B3GALT1: variants seen among roughly 807,000 people sequenced by gnomAD.
B3GALT1 encodes the protein beta-1,3-galactosyltransferase 1.
In B3GALT1, 10 loss-of-function variants were observed where a neutral mutation model predicts 23.2. The observed-to-expected ratio is 0.43, with a 90% CI of 0.27 to 0.73. The LOEUF is 0.73. Among genes scored for constraint, B3GALT1 ranks in the 30% least tolerant of loss-of-function variants. The pLI is 0.21. For missense variants in B3GALT1, 299 were observed against 405.4 expected (o/e 0.74, Z 2.25); for synonymous variants, 156 against 141.5 (o/e 1.10, Z -0.73).
At chr2:167,460,696 A>G (rs1343685516) in intron 1 of B3GALT1, among the ~76,000 whole-genome samples, 1 of 151,848 alleles carries the variant, frequency 6.6e-6, no homozygotes, top group Admixed American at 6.6e-5. Context: ...AAAACTGAAC[A>G]TTTGAATCTA....
chr2:167,563,975 G>C (rs1459733670), intron 2 of B3GALT1, among the ~76,000 whole-genome samples: 1 of 138,590 alleles, frequency 7.2e-6, no homozygotes, highest in Non-Finnish European at 1.6e-5. Flanking sequence ...CTCCCTTCCG[G>C]ACGGGGCAGC....
At chr2:167,650,450 T>G (rs968458778) in intron 3 of B3GALT1, among the ~76,000 whole-genome samples, 6 of 151,740 alleles carry the variant, frequency 4.0e-5, no homozygotes, top group Non-Finnish European at 8.8e-5. Flanking sequence ...TGAGAATTTT[T>G]ACATGTTTAT....
chr2:167,698,808 T>C (rs186108140), intron 3 of B3GALT1, among the ~76,000 whole-genome samples: 1 of 152,318 alleles, frequency 6.6e-6, no homozygotes, highest in African/African-American at 2.4e-5. Context: ...CTCTGGAGGT[T>C]TGACATTTGC....
chr2:167,616,118 T>C (rs944982394), intron 2 of B3GALT1, among the ~76,000 whole-genome samples: 2 of 152,020 alleles, frequency 1.3e-5, no homozygotes, highest in African/African-American at 4.8e-5. Context: ...TATAAATCCT[T>C]AGAAAATGTT....
chr2:167,785,806 G>C (rs1397829111), intron 3 of B3GALT1, among the ~76,000 whole-genome samples: 2 of 152,202 alleles, frequency 1.3e-5, no homozygotes, highest in Non-Finnish European at 1.5e-5. Flanking sequence ...CCTCTGGGAA[G>C]CGGCATGCAT....
At chr2:167,862,427 C>T (rs184608648) in intron 4 of B3GALT1, among the ~76,000 whole-genome samples, 5 of 152,296 alleles carry the variant, frequency 3.3e-5, no homozygotes, top group Admixed American at 6.5e-5. Context: ...TCTAAGTTTT[C>T]GTCCTATTTA....
At chr2:167,633,454 A>G (rs751076300) in intron 2 of B3GALT1, among the ~76,000 whole-genome samples, 4 of 151,970 alleles carry the variant, frequency 2.6e-5, no homozygotes, top group Non-Finnish European at 5.9e-5. Flanking sequence ...GGCTAAAAAT[A>G]AAGAAATGGA....
chr2:167,857,960 A>G (rs890523238), intron 4 of B3GALT1, among the ~76,000 whole-genome samples: 4 of 152,176 alleles, frequency 2.6e-5, no homozygotes, highest in African/African-American at 9.7e-5. Flanking sequence ...AAGAAAAAAA[A>G]TCACAAAATC....
intron 2 of B3GALT1, among the ~76,000 whole-genome samples, chr2:167,619,424 G>A (rs936628557): frequency 1.3e-5 from 2 of 151,990 alleles, no homozygotes; most frequent in Admixed American, 1.3e-4. Flanking sequence ...AAACTGCATG[G>A]GGACAGGGAC....
intron 2 of B3GALT1, among the ~76,000 whole-genome samples, chr2:167,590,639 A>G (rs1684663992): frequency 6.6e-6 from 1 of 152,246 alleles, no homozygotes; most frequent in Non-Finnish European, 1.5e-5. Flanking sequence ...GTCCTAGGCT[A>G]TTTAAGATGA....
chr2:167,573,168 T>G (rs1401776606), intron 2 of B3GALT1, among the ~76,000 whole-genome samples: 3 of 151,682 alleles, frequency 2.0e-5, no homozygotes, highest in East Asian at 1.9e-4. Context: ...TGTAAAGAGA[T>G]AGATTTCTTC....
intron 1 of B3GALT1, among the ~76,000 whole-genome samples, chr2:167,421,136 G>C (rs1343857968): frequency 6.6e-6 from 1 of 152,128 alleles, no homozygotes; most frequent in African/African-American, 2.4e-5. Flanking sequence ...GTATTTCACT[G>C]TCTGTTGTGG....
intron 3 of B3GALT1, among the ~76,000 whole-genome samples, chr2:167,649,864 G>C (rs1685827993): frequency 6.6e-6 from 1 of 151,896 alleles, no homozygotes. Context: ...CATTTCATCA[G>C]CAAATATTCT....
chr2:167,434,420 C>A (rs1698747141), intron 1 of B3GALT1, among the ~76,000 whole-genome samples: 1 of 151,704 alleles, frequency 6.6e-6, no homozygotes. Flanking sequence ...TCATCTATAT[C>A]TCTGCCCACT....
intron 4 of B3GALT1, among the ~76,000 whole-genome samples, chr2:167,864,246 CACAT>C (rs1173606764): frequency 2.6e-5 from 4 of 152,066 alleles, no homozygotes; most frequent in African/African-American, 7.2e-5. Flanking sequence ...GCAATGGAAC[CACAT>C]CTAAGAAAAT....
At chr2:167,702,039 CATT>C (rs1686888836) in intron 3 of B3GALT1, among the ~76,000 whole-genome samples, 1 of 152,184 alleles carries the variant, frequency 6.6e-6, no homozygotes, top group Non-Finnish European at 1.5e-5. Flanking sequence ...GCAGAAAAAA[CATT>C]ATACATTCAT....
At chr2:167,548,307 G>T (rs1683677462) in intron 2 of B3GALT1, among the ~76,000 whole-genome samples, 1 of 152,178 alleles carries the variant, frequency 6.6e-6, no homozygotes, top group Non-Finnish European at 1.5e-5. Flanking sequence ...AAGCTTACCA[G>T]TGACTTCCCA....
chr2:167,722,625 C>T (rs1424910617), intron 3 of B3GALT1, among the ~76,000 whole-genome samples: 2 of 152,156 alleles, frequency 1.3e-5, no homozygotes, highest in African/African-American at 2.4e-5. Context: ...TAATTGGTTA[C>T]TTAAAATGCA....
At chr2:167,792,006 T>G (rs189191181) in intron 3 of B3GALT1, among the ~76,000 whole-genome samples, 1 of 152,230 alleles carries the variant, frequency 6.6e-6, no homozygotes, top group East Asian at 1.9e-4. Context: ...TTAGTGCAAT[T>G]TATGACTTTT....
Sources: allele counts gnomAD v4.1 joint callset (sites outside exome capture counted in the v4.1 genomes callset), GRCh38; gene constraint gnomAD v4.1.1; transcripts MANE v1.5; gene names NCBI Gene and HGNC (gene_info 2026-07-23, HGNC 2026-07-21).